PKM: variants seen among roughly 807,000 people sequenced by gnomAD.
The protein encoded by PKM is pyruvate kinase PKM.
A neutral mutation model predicts 49.8 loss-of-function variants in PKM; 18 were observed. That is an observed-to-expected ratio of 0.36 (90% CI 0.25 to 0.54). The LOEUF is 0.54. Ranked by LOEUF, PKM falls within the 20% of genes least tolerant of loss-of-function variation. The pLI is 0.89. For synonymous variants in PKM, 239 were observed against 261.8 expected (o/e 0.91, Z 0.84); for missense variants, 508 against 713.8 (o/e 0.71, Z 3.28).
intron 1 of PKM, among the ~76,000 whole-genome samples, chr15:72,230,280 T>C (rs1305095011): frequency 6.6e-6 from 1 of 152,004 alleles, no homozygotes; most frequent in Non-Finnish European, 1.5e-5. Flanking sequence ...GTTACGTAAG[T>C]CTCCAGCTGC....
chr15:72,219,912 C>T (rs531923799), intron 1 of PKM, among the ~76,000 whole-genome samples: 1 of 152,218 alleles, frequency 6.6e-6, no homozygotes, highest in Non-Finnish European at 1.5e-5. Context: ...GACAAGTATA[C>T]CACCACTCTG....
Position 72,199,771 on chromosome 15 carries a change from G to A in PKM, c.1490-15C>T. ...TCGGGCCTTGCCTGGAGGAAGAGAA[G>A]GGAGGTTGGTGAGTAAAAGCCAAGC... On this transcript the variant is annotated splice_polypyrimidine_tract_variant and intron_variant, in intron 10 of 10. Transcript: ENST00000335181. 1.3e-6 allele frequency: 2 copies of A among 1,592,162 alleles called. No individual in the cohort carries two copies. Among genetic ancestry groups the A allele is most frequent in the Non-Finnish European group, 1.7e-6 (2 of 1,161,508 alleles).
rs1398108913 is a variant in PKM at position 72,200,623 on chromosome 15, C to T, written c.1340G>A (p.Arg447His). ...SAHQVARYRP[R>H]APIIAVTRNP... ...CCGGGTCACAGCAATGATGGGGGCACGTGGGCGGTATCTGGCCACCTGGTG... is the reference window on the plus strand; with the variant it reads ...CCGGGTCACAGCAATGATGGGGGCATGTGGGCGGTATCTGGCCACCTGGTG... The change falls in exon 10 of 11, where the codon CGT becomes CAT. Residue 447 changes from arginine to histidine, a missense_variant. Arg to His is a conservative substitution (Grantham distance 29, BLOSUM62 0). Coordinates refer to ENST00000335181, the MANE Select transcript of PKM (RefSeq NM_002654.6). This position sits in a 1 kb window ranked among gnomAD's most constrained non-coding sequence, Gnocchi z 4.6. 4 of 1,613,264 alleles carry T rather than the reference C, an allele frequency of 2.5e-6. No individual in the cohort carries two copies. The highest frequency in any genetic ancestry group is 2.2e-5 in the East Asian group (1 of 44,836).
chr15:72,227,763 A>AAAAAAAAAAAAAAAAAAAAAG (rs2082716303), intron 1 of PKM, among the ~76,000 whole-genome samples: 1 of 134,678 alleles, frequency 7.4e-6, no homozygotes, highest in Non-Finnish European at 1.5e-5. Flanking sequence ...AAAAAAAAAA[A>AAAAAAAAAAAAAAAAAAAAAG]AAAAAAAAAA....
intron 5 of PKM, 117 bp from the exon 6 acceptor site, chr15:72,209,008 C>T (rs886529292): frequency 2.6e-6 from 3 of 1,137,576 alleles, no homozygotes; most frequent in Admixed American, 2.0e-5. Flanking sequence ...GGTGCTGGAG[C>T]TGTTTTACCA....
In PKM at chr15:72,202,935, C is replaced by T. The variant is rs1353166012; in HGVS notation, c.1141-315G>A. 5.6e-5 allele frequency: 76 copies of T among 1,359,424 alleles called. No individual in the cohort carries two copies. The highest frequency in any genetic ancestry group is 7.5e-5 in the Non-Finnish European group (72 of 956,896). The allele number at this position is 1,359,424 out of a possible 1,614,324, so 84.2% of individuals were successfully genotyped here. On this transcript the variant is annotated intron_variant, in intron 8 of 10. Transcript: ENST00000335181. This position sits in a 1 kb window ranked among gnomAD's most constrained non-coding sequence, Gnocchi z 4.5. ...CGAGAAGAGGCTCTGTGCCCAGATGCCAGGTTGGGCCTGGCTGTCTTCTCC... is the reference window on the plus strand; with the variant it reads ...CGAGAAGAGGCTCTGTGCCCAGATGTCAGGTTGGGCCTGGCTGTCTTCTCC...
At chr15:72,210,578 G>A (rs775022755) in intron 3 of PKM, 100 bp from the exon 4 acceptor site, 41 of 1,341,780 alleles carry the variant, frequency 3.1e-5, no homozygotes, top group Non-Finnish European at 4.2e-5. Flanking sequence ...GGAAAGGCCC[G>A]TGGATGTCTT....
intron 8 of PKM, chr15:72,206,423 A>G: frequency 2.4e-6 from 1 of 415,930 alleles, no homozygotes; most frequent in South Asian, 2.5e-5. Flanking sequence ...CCCAGGACTT[A>G]AGCCATGGGA....
At chr15:72,209,009 T>C (rs2082161775) in intron 5 of PKM, 118 bp from the exon 6 acceptor site, 1 of 1,129,796 alleles carries the variant, frequency 8.9e-7, no homozygotes, top group African/African-American at 1.5e-5. Flanking sequence ...GTGCTGGAGC[T>C]GTTTTACCAG....
intron 1 of PKM, 34 bp from the exon 2 acceptor site, chr15:72,219,144 A>C: frequency 6.3e-7 from 1 of 1,593,786 alleles, no homozygotes; most frequent in Non-Finnish European, 8.6e-7. Flanking sequence ...GAGTGGTAAG[A>C]CTGAGAAGTG....
At chr15:72,213,029 C>G (rs1302525213) in intron 3 of PKM, among the ~76,000 whole-genome samples, 1 of 151,902 alleles carries the variant, frequency 6.6e-6, no homozygotes, top group Middle Eastern at 3.4e-3. Flanking sequence ...GAGCCGAGAT[C>G]GTGCCACTGC....
At chr15:72,216,698 G>A (rs1325248181) in intron 3 of PKM, among the ~76,000 whole-genome samples, 2 of 152,170 alleles carry the variant, frequency 1.3e-5, no homozygotes, top group African/African-American at 4.8e-5. Flanking sequence ...TTCTAAATCT[G>A]GCAATGGAGG....
At chr15:72,208,494 C>A in intron 6 of PKM, 127 bp downstream of exon 6, 1 of 930,278 alleles carries the variant, frequency 1.1e-6, no homozygotes, top group Non-Finnish European at 1.8e-6. Flanking sequence ...TCTGATTCAG[C>A]AGGTTTGGAA....
chr15:72,206,191 C>A (rs768151337), intron 8 of PKM: 5 of 161,294 alleles, frequency 3.1e-5, no homozygotes, highest in Non-Finnish European at 6.8e-5. Flanking sequence ...AAGGCCAGCA[C>A]AGGCAGCTCA....
chr15:72,209,652 G>C (rs999818680), intron 5 of PKM, 21 bp downstream of exon 5: 1 of 1,606,250 alleles, frequency 6.2e-7, no homozygotes, highest in African/African-American at 1.3e-5. Context: ...TAGACAACTG[G>C]ACTCCAGCTC....
chr15:72,225,157 C>CA (rs1183962726), intron 1 of PKM, among the ~76,000 whole-genome samples: 1 of 147,204 alleles, frequency 6.8e-6, no homozygotes, highest in Non-Finnish European at 1.5e-5. Context: ...AGGATGGTCT[C>CA]AATCTCCTGA....
chr15:72,219,704 G>A (rs1596784498), intron 1 of PKM, among the ~76,000 whole-genome samples: 1 of 152,304 alleles, frequency 6.6e-6, no homozygotes, highest in Non-Finnish European at 1.5e-5. Context: ...CACATCTACT[G>A]TTGGCCAGAA....
intron 3 of PKM, among the ~76,000 whole-genome samples, chr15:72,215,063 T>C (rs976908623): frequency 3.3e-5 from 5 of 152,046 alleles, no homozygotes; most frequent in Non-Finnish European, 5.9e-5. Context: ...TAGCTGGGCG[T>C]GGTGGCACAG....
chr15:72,212,139 A>T (rs1268415383), intron 3 of PKM, among the ~76,000 whole-genome samples: 1 of 152,142 alleles, frequency 6.6e-6, no homozygotes, highest in African/African-American at 2.4e-5. Context: ...ATAAATTATG[A>T]TATTTTCTTG....
Sources: gnomAD v4.1 joint callset for allele counts (sites outside exome capture counted in the v4.1 genomes callset) on GRCh38, gnomAD v4.1.1 for gene constraint, Gnocchi (gnomAD v3.1) non-coding constraint, MANE v1.5 for transcripts, NCBI Gene and HGNC (gene_info 2026-07-23, HGNC 2026-07-21) for gene names.